Variants in PPA2 observed in about 807,000 individuals in gnomAD.
The protein encoded by PPA2 is inorganic pyrophosphatase 2, mitochondrial.
PPA2 carries 48 observed loss-of-function variants against 49.5 expected under a neutral mutation model. That is an observed-to-expected ratio of 0.97 (90% CI 0.77 to 1.23). The LOEUF (loss-of-function observed/expected upper bound fraction) is 1.23, where lower values mean the gene tolerates loss of function less well. PPA2 is among the 50% of genes most tolerant of loss of function. The probability of loss-of-function intolerance (pLI) is 0.00; values close to 1 mark genes in which losing one functional copy is unlikely to be tolerated. For synonymous variants in PPA2, 131 were observed against 139.9 expected (o/e 0.94, Z 0.45); for missense variants, 429 against 410.1 (o/e 1.05, Z -0.40).
At chr4:105,460,262 A>T (rs184995220) in intron 1 of PPA2, among the ~76,000 whole-genome samples, 1 of 152,308 alleles carries the variant, frequency 6.6e-6, no homozygotes, top group East Asian at 1.9e-4. Flanking sequence ...GGCATCAGAT[A>T]TTGTAAGTAA....
intron 7 of PPA2, among the ~76,000 whole-genome samples, chr4:105,411,396 C>T (rs1722751084): frequency 6.6e-6 from 1 of 152,108 alleles, no homozygotes; most frequent in Admixed American, 6.6e-5. Context: ...TACAGGAGCA[C>T]CCAGATTCAT....
chr4:105,415,311 C>T (rs951624556), intron 7 of PPA2, among the ~76,000 whole-genome samples: 5 of 152,234 alleles, frequency 3.3e-5, no homozygotes, highest in Admixed American at 3.3e-4. Context: ...CCAAGCGGCA[C>T]CTACAGGCCT....
intron 8 of PPA2, among the ~76,000 whole-genome samples, chr4:105,397,157 A>G (rs1284033329): frequency 6.6e-6 from 1 of 152,180 alleles, no homozygotes; most frequent in Non-Finnish European, 1.5e-5. Flanking sequence ...TGGTTAGTTC[A>G]AAGTAGCTCC....
At chr4:105,390,149 C>CA (rs1176480182) in intron 9 of PPA2, among the ~76,000 whole-genome samples, 1 of 152,128 alleles carries the variant, frequency 6.6e-6, no homozygotes, top group African/African-American at 2.4e-5. Flanking sequence ...ACACCTTATA[C>CA]AAAAAACTAG....
At chr4:105,382,855 G>A (rs1435110253) in intron 10 of PPA2, among the ~76,000 whole-genome samples, 5 of 152,066 alleles carry the variant, frequency 3.3e-5, no homozygotes, top group African/African-American at 4.8e-5. Flanking sequence ...GAAAAACTTC[G>A]CCAGGTGTGG....
chr4:105,382,087 A>T (rs1286280166), intron 10 of PPA2, among the ~76,000 whole-genome samples: 1 of 151,950 alleles, frequency 6.6e-6, no homozygotes, highest in African/African-American at 2.4e-5. Context: ...ACATACACTG[A>T]CTCAGTTGTC....
intron 1 of PPA2, 123 bp downstream of exon 1, chr4:105,473,771 T>C (rs757420164): frequency 7.1e-7 from 1 of 1,411,272 alleles, no homozygotes; most frequent in East Asian, 2.3e-5. Flanking sequence ...ACCGCGCGGC[T>C]ACCGCTGAGG....
chr4:105,403,596 A>C (rs1232183203), intron 7 of PPA2, among the ~76,000 whole-genome samples: 1 of 152,174 alleles, frequency 6.6e-6, no homozygotes, highest in East Asian at 1.9e-4. Context: ...TAATGAAGCA[A>C]TATAACAGAC....
chr4:105,380,677 G>A (rs948716816), intron 10 of PPA2, among the ~76,000 whole-genome samples: 4 of 151,824 alleles, frequency 2.6e-5, no homozygotes, highest in Admixed American at 6.6e-5. Flanking sequence ...TCTGGCCACC[G>A]TGCTGAAATT....
chr4:105,443,964 C>T lies in PPA2; in HGVS notation c.441+2419G>A, dbSNP rs1724492086. 2.6e-5 allele frequency among the ~76,000 whole-genome samples: 4 copies of T among 152,316 alleles called. No individual in the cohort carries two copies. The South Asian group carries it at 8.3e-4, about 32-fold the overall frequency. ...TAAATTGCAACAATCCTAATATCCC[C>T]TAGTCCCATTCCCTGCTTAACTTTT... On this transcript the variant is annotated intron_variant, in intron 5 of 11. Transcript: ENST00000341695.
intron 7 of PPA2, among the ~76,000 whole-genome samples, chr4:105,407,627 TA>T (rs1017750921): frequency 1.3e-5 from 2 of 152,122 alleles, no homozygotes; most frequent in Non-Finnish European, 2.9e-5. Context: ...GTGGTATATC[TA>T]AAAAATGGAA....
chr4:105,395,481 T>G (rs1353915554), intron 9 of PPA2, among the ~76,000 whole-genome samples: 3 of 152,278 alleles, frequency 2.0e-5, no homozygotes, highest in Non-Finnish European at 4.4e-5. Flanking sequence ...ATTTCAAAAT[T>G]TAAGTATTAA....
At chr4:105,393,050 G>T (rs1011338672) in intron 9 of PPA2, among the ~76,000 whole-genome samples, 1 of 152,182 alleles carries the variant, frequency 6.6e-6, no homozygotes, top group Non-Finnish European at 1.5e-5. Flanking sequence ...ATGAGTAAAG[G>T]TCTAGAGATT....
At chr4:105,397,276 C>A (rs1297864228) in intron 8 of PPA2, among the ~76,000 whole-genome samples, 1 of 152,164 alleles carries the variant, frequency 6.6e-6, no homozygotes, top group Non-Finnish European at 1.5e-5. Flanking sequence ...AAGAGAATTT[C>A]TCTCGGGTCT....
At chr4:105,381,916 C>A (rs948472463) in intron 10 of PPA2, among the ~76,000 whole-genome samples, 1 of 151,926 alleles carries the variant, frequency 6.6e-6, no homozygotes, top group African/African-American at 2.4e-5. Context: ...GAAAAACGAA[C>A]AGAGTAATTG....
chr4:105,410,732 A>G (rs2110249748), intron 7 of PPA2, among the ~76,000 whole-genome samples: 1 of 152,364 alleles, frequency 6.6e-6, no homozygotes, highest in South Asian at 2.1e-4. Context: ...GAAACACTAC[A>G]AGCCAGAAGA....
rs1457371700 is a variant in PPA2 at position 105,424,072 on chromosome 4, T to C, written c.655+124A>G. The stretch of plus-strand genomic sequence containing the variant: ...TCATTTAAAATATAATTTGTCTATC[T>C]ACATCTTTTCCTCTCTCTTTTTTAA... On this transcript the variant is annotated intron_variant, in intron 7 of 11. Coordinates refer to ENST00000341695, the MANE Select transcript of PPA2 (RefSeq NM_176869.3). 3 of 1,014,972 alleles carry C rather than the reference T, an allele frequency of 3.0e-6. No individual in the cohort carries two copies. The African/African-American group carries it at 5.0e-5, about 17-fold the overall frequency. 62.9% of individuals were successfully genotyped at this position (1,014,972 alleles called of 1,614,324 possible). A position where few individuals can be genotyped will look rare whatever the true frequency, so the allele number is the denominator to read the frequency against.
At chr4:105,420,593 T>A (rs960682593) in intron 7 of PPA2, among the ~76,000 whole-genome samples, 1 of 152,172 alleles carries the variant, frequency 6.6e-6, no homozygotes, top group African/African-American at 2.4e-5. Context: ...TGCCAAGAAG[T>A]ATAGATGACA....
chr4:105,440,879 T>A (rs1411760288), intron 5 of PPA2, among the ~76,000 whole-genome samples: 1 of 150,678 alleles, frequency 6.6e-6, no homozygotes, highest in Non-Finnish European at 1.5e-5. Flanking sequence ...TCTACAATAT[T>A]GTTATGTTTA....
Sources: allele counts gnomAD v4.1 joint callset (sites outside exome capture counted in the v4.1 genomes callset), GRCh38; gene constraint gnomAD v4.1.1; transcripts MANE v1.5; gene names NCBI Gene and HGNC (gene_info 2026-07-23, HGNC 2026-07-21).